Variants in ZNF469 observed in about 807,000 individuals in gnomAD.
ZNF469 encodes the protein zinc finger protein 469.
Under a neutral mutation model 1.0 loss-of-function variants are expected in ZNF469, and 1 was observed. That is an observed-to-expected ratio of 1.00 (90% CI 0.35 to 4.73). The LOEUF is 4.73. ZNF469 is among the 30% of genes most tolerant of loss of function. ZNF469 has a pLI of 0.16. For missense variants in ZNF469, 6,100 were observed against 5,356.3 expected, an observed-to-expected ratio of 1.14 and a Z score of -4.33; for synonymous variants, 2,703 against 2,363.4, an observed-to-expected ratio of 1.14 and a Z score of -4.17.
At position 88,439,048 on chromosome 16, in the gene ZNF469, A is replaced by AACAAGC; in HGVS notation, c.11578_11579insACAAGC (p.Thr3860delinsAsnLysPro). 3 of 1,550,282 alleles carry AACAAGC rather than the reference A, an allele frequency of 1.9e-6. No homozygotes were observed. The highest frequency in any genetic ancestry group is 2.6e-6 in the Non-Finnish European group (3 of 1,146,930). On this transcript the variant is annotated protein_altering_variant, in exon 3 of 3. Coordinates refer to ENST00000565624, the MANE Select transcript of ZNF469 (RefSeq NM_001367624.2). ...GGCAACTCCCAGCCGCGTGCTCCCG[A>AACAAGC]CCAAGCCCAAGCCCAACAGCCAGAA...
chr16:88,340,168 C>T, the ZNF469 span, among the ~76,000 whole-genome samples: 82 of 152,316 alleles, frequency 5.4e-4, no homozygotes, highest in African/African-American at 1.9e-3. Flanking sequence ...CACAGAGGTG[C>T]CTCCCCTGCA....
chr16:88,390,539 G>T (rs1904457416), intron 1 of ZNF469, among the ~76,000 whole-genome samples: 1 of 152,198 alleles, frequency 6.6e-6, no homozygotes, highest in Non-Finnish European at 1.5e-5. Flanking sequence ...CCTCCAGGGG[G>T]CCTCAGTTTC....
the ZNF469 span, among the ~76,000 whole-genome samples, chr16:88,273,295 C>G: frequency 2.0e-5 from 3 of 151,612 alleles, no homozygotes; most frequent in Non-Finnish European, 4.4e-5. Flanking sequence ...GGTTCTGTCC[C>G]TCACAACCAC....
the ZNF469 span, among the ~76,000 whole-genome samples, chr16:88,171,603 T>C: frequency 6.6e-6 from 1 of 152,212 alleles, no homozygotes; most frequent in African/African-American, 2.4e-5. Context: ...CTCCATGATC[T>C]CCAGTGAATA....
chr16:88,217,177 C>G, the ZNF469 span, among the ~76,000 whole-genome samples: 2 of 152,006 alleles, frequency 1.3e-5, no homozygotes, highest in African/African-American at 4.8e-5. Context: ...TAAAATGCAT[C>G]GTGGAGGCTC....
chr16:88,291,829 G>A, the ZNF469 span, among the ~76,000 whole-genome samples: 1 of 152,114 alleles, frequency 6.6e-6, no homozygotes, highest in East Asian at 1.9e-4. Context: ...TCTCCCTTCT[G>A]GGGAGAGAAG....
rs553204128 is a variant in ZNF469 at position 88,408,214 on chromosome 16, G to A, written c.-191-16593G>A. ...GTTGCCCAGGCTGGAGTGCAATGGC[G>A]TGATCTCAGCTCACTACAACCTCTG... On this transcript the variant is annotated intron_variant, in intron 1 of 2. Coordinates refer to ENST00000565624, the MANE Select transcript of ZNF469 (RefSeq NM_001367624.2). Among the ~76,000 whole-genome samples, 11 of 152,274 alleles carry A rather than the reference G, an allele frequency of 7.2e-5. No individual in the cohort carries two copies. The South Asian group carries it at 2.3e-3, about 32-fold the overall frequency.
chr16:88,395,237 A>ATG (rs1904622302), intron 1 of ZNF469, among the ~76,000 whole-genome samples: 19 of 35,906 alleles, frequency 5.3e-4, no homozygotes, highest in African/African-American at 2.0e-3. Flanking sequence ...GTGGATGGGT[A>ATG]GATGGATGGA....
the ZNF469 span, among the ~76,000 whole-genome samples, chr16:88,236,084 G>T: frequency 0.036 from 5,483 of 151,650 alleles, 397 homozygotes; most frequent in African/African-American, 0.13. Context: ...ACCAAAGTTC[G>T]TATTCTGTAG....
chr16:88,216,346 T>A, the ZNF469 span, among the ~76,000 whole-genome samples: 1 of 151,910 alleles, frequency 6.6e-6, no homozygotes, highest in African/African-American at 2.4e-5. Flanking sequence ...ATACAAAAAT[T>A]AGCCGGGCGC....
chr16:88,130,630 T>C, the ZNF469 span, among the ~76,000 whole-genome samples: 3,024 of 141,224 alleles, frequency 0.021, no homozygotes, highest in African/African-American at 0.077. Flanking sequence ...CACTTGGACC[T>C]GGGAGGCAGA....
the ZNF469 span, among the ~76,000 whole-genome samples, chr16:88,357,535 G>C: frequency 1.3e-5 from 2 of 152,186 alleles, no homozygotes; most frequent in African/African-American, 4.8e-5. Flanking sequence ...GGACCCCAAG[G>C]CCTCTTTCCG....
chr16:88,199,239 G>A, the ZNF469 span, among the ~76,000 whole-genome samples: 5 of 152,248 alleles, frequency 3.3e-5, no homozygotes, highest in African/African-American at 1.2e-4. Flanking sequence ...TGGGTCCCCA[G>A]AGGTCTGCCC....
intron 1 of ZNF469, among the ~76,000 whole-genome samples, chr16:88,396,348 G>A (rs1263848300): frequency 6.6e-6 from 1 of 152,334 alleles, no homozygotes; most frequent in Middle Eastern, 3.4e-3. Context: ...CTGCAGGGAG[G>A]CCTGGAGGAG....
At chr16:88,331,518 TCATCACTACCATCACTATCATCAC>T in the ZNF469 span, among the ~76,000 whole-genome samples, 1 of 129,422 alleles carries the variant, frequency 7.7e-6, no homozygotes, top group Non-Finnish European at 1.7e-5. Context: ...ACCATCATCC[TCATCACTACCATCACTATCATCAC>T]CATCACCACC....
the ZNF469 span, among the ~76,000 whole-genome samples, chr16:88,238,789 C>T: frequency 6.6e-6 from 1 of 152,264 alleles, no homozygotes; most frequent in East Asian, 1.9e-4. Flanking sequence ...TGATAATCCA[C>T]CAGAGCCCAG....
the ZNF469 span, among the ~76,000 whole-genome samples, chr16:88,282,272 C>A: frequency 6.6e-6 from 1 of 152,070 alleles, no homozygotes; most frequent in African/African-American, 2.4e-5. Context: ...GGATGGTGGT[C>A]GGAAGGCACC....
rs1905773747 is a variant in ZNF469, at chr16:88,427,588, C to G, written c.118C>G (p.Pro40Ala). ...PSQPPLEDNT[P>A]ATRTTKGARE... ...CCAGCCGCCACTGGAGGACAACACC[C>G]CAGCTACCAGGACCACCAAGGGTGC... The change falls in exon 3 of 3, where the codon CCA (proline) becomes GCA (alanine). Residue 40 changes from proline (P) to alanine (A), a missense_variant. Transcript: ENST00000565624. 1 of 1,537,298 alleles carries G rather than the reference C, an allele frequency of 6.5e-7. No individual in the cohort carries two copies. The highest frequency in any genetic ancestry group is 8.7e-7 in the Non-Finnish European group (1 of 1,146,538).
chr16:88,174,519 A>G, the ZNF469 span, among the ~76,000 whole-genome samples: 2 of 124,668 alleles, frequency 1.6e-5, no homozygotes, highest in African/African-American at 3.4e-5. Context: ...TCTATCATCT[A>G]TCTGTAGTTG....
Sources: gnomAD v4.1 joint callset for allele counts (sites outside exome capture counted in the v4.1 genomes callset) on GRCh38, gnomAD v4.1.1 for gene constraint, MANE v1.5 for transcripts, NCBI Gene and HGNC (gene_info 2026-07-23, HGNC 2026-07-21) for gene names.